The following TMCC1 variants were observed in gnomAD, a reference collection of about 807,000 sequenced individuals.
TMCC1 encodes transmembrane and coiled-coil domains protein 1.
In TMCC1, 15 loss-of-function variants were observed where a neutral mutation model predicts 52.4. The ratio of observed to expected loss-of-function variants is 0.29; its 90% confidence interval spans 0.19 to 0.44. The LOEUF is 0.44. TMCC1 is among the 20% of genes least tolerant of loss of function. The pLI is 1.00. For missense variants in TMCC1, 503 were observed against 806.0 expected, an observed-to-expected ratio of 0.62 and a Z score of 4.55; for synonymous variants, 279 against 301.9, an observed-to-expected ratio of 0.92 and a Z score of 0.79.
chr3:129,692,543 G>A (rs1447829018), intron 4 of TMCC1, among the ~76,000 whole-genome samples: 3 of 152,142 alleles, frequency 2.0e-5, no homozygotes, highest in African/African-American at 7.2e-5. Context: ...TTTTTGCCTT[G>A]TTAAGAAGGT....
intron 2 of TMCC1, chr3:129,847,994 C>T (rs2059743369): frequency 6.6e-6 from 1 of 152,064 alleles, no homozygotes; most frequent in African/African-American, 2.4e-5. Context: ...AATTGTTTCC[C>T]CCTTTTCTTA....
At chr3:129,663,246 C>T (rs781182748) in intron 5 of TMCC1, among the ~76,000 whole-genome samples, 19 of 152,134 alleles carry the variant, frequency 1.2e-4, no homozygotes, top group Non-Finnish European at 1.9e-4. Context: ...TCTCTGAGAA[C>T]CAATGGTGCT....
Position 129,827,794 on chromosome 3 carries a change from C to A in TMCC1, c.576+9G>T. 1 of 1,606,738 alleles carries A rather than the reference C, an allele frequency of 6.2e-7. No homozygotes were observed. Among genetic ancestry groups the A allele is most frequent in the African/African-American group, 1.3e-5 (1 of 74,920 alleles). ...AAGTTAACAGAAAAACAAAATCTTACAAACTTACCCGCTCCGCAGTTCCCT... is the reference window on the plus strand; with the variant it reads ...AAGTTAACAGAAAAACAAAATCTTAAAAACTTACCCGCTCCGCAGTTCCCT... On this transcript the variant is annotated intron_variant, in intron 4 of 6. Coordinates refer to ENST00000393238, the MANE Select transcript of TMCC1 (RefSeq NM_001017395.5).
intron 4 of TMCC1, among the ~76,000 whole-genome samples, chr3:129,785,390 G>C (rs1043161072): frequency 2.6e-5 from 4 of 152,036 alleles, no homozygotes; most frequent in African/African-American, 4.8e-5. Context: ...AAGTCCCAAA[G>C]GTTGGGTGTT....
At chr3:129,749,857 TTTGAATCTATGATTCAAA>T (rs531733532) in intron 4 of TMCC1, among the ~76,000 whole-genome samples, 2,580 of 152,258 alleles carry the variant, frequency 0.017, 37 homozygotes, top group Non-Finnish European at 0.025. Context: ...CTTTCCAATA[TTTGAATCTATGATTCAAA>T]TTGAATCTAT....
rs1333843587 is a variant in TMCC1 at position 129,828,550 on chromosome 3, CTTATA to C, written c.-130-47_-130-43del. The C allele has an allele frequency of 1.5e-5, 9 of 609,244 alleles. No individual in the cohort carries two copies. Among genetic ancestry groups the C allele is most frequent in the Non-Finnish European group, 2.5e-5 (9 of 364,118 alleles). The allele number at this position is 609,244 out of a possible 1,614,324, so 37.7% of individuals were successfully genotyped here. On this transcript the variant is annotated intron_variant, in intron 3 of 6. Coordinates refer to ENST00000393238, the MANE Select transcript of TMCC1 (RefSeq NM_001017395.5). The surrounding 1 kb of genome is among the most constrained non-coding windows in gnomAD (Gnocchi z 4.1). ...AAAAACAAAAAAACAAAAAAAAAAC[CTTATA>C]TTATAAATCCATGCAGAAACTCCAG...
chr3:129,791,469 C>T (rs931496785), intron 4 of TMCC1, among the ~76,000 whole-genome samples: 3 of 152,104 alleles, frequency 2.0e-5, no homozygotes, highest in African/African-American at 7.2e-5. Flanking sequence ...ACGTTTGACT[C>T]GGCTTCCTAT....
chr3:129,775,743 G>T (rs533602988), intron 4 of TMCC1, among the ~76,000 whole-genome samples: 1 of 151,962 alleles, frequency 6.6e-6, no homozygotes, highest in Non-Finnish European at 1.5e-5. Context: ...AAATATAGCC[G>T]AAATCTATCC....
At chr3:129,794,835 C>G (rs2056712709) in intron 4 of TMCC1, among the ~76,000 whole-genome samples, 1 of 152,188 alleles carries the variant, frequency 6.6e-6, no homozygotes, top group African/African-American at 2.4e-5. Context: ...CTTCAGCCGT[C>G]CCAGCAGCAG....
In TMCC1 at chr3:129,651,809, C is replaced by G. The variant is rs778539834; in HGVS notation, c.1648-14G>C. The G allele has an allele frequency of 2.4e-5, 39 of 1,607,854 alleles. No individual in the cohort carries two copies. The highest frequency in any genetic ancestry group is 3.2e-5 in the Non-Finnish European group (38 of 1,176,808). On this transcript the variant is annotated splice_polypyrimidine_tract_variant and intron_variant, in intron 6 of 6. Coordinates refer to ENST00000393238, the MANE Select transcript of TMCC1 (RefSeq NM_001017395.5). The surrounding 1 kb of genome is among the most constrained non-coding windows in gnomAD (Gnocchi z 5.1). ...CTCCAGGGCCTCCTGTGGGCCAGAACAGGGAAGAGTTAAGCCTTCTGCTCA... is the reference window on the plus strand; with the variant it reads ...CTCCAGGGCCTCCTGTGGGCCAGAAGAGGGAAGAGTTAAGCCTTCTGCTCA...
chr3:129,710,075 A>G (rs1244723372), intron 4 of TMCC1, among the ~76,000 whole-genome samples: 3 of 152,154 alleles, frequency 2.0e-5, no homozygotes, highest in Middle Eastern at 3.4e-3. Context: ...AGTCCCAGCT[A>G]CTCGGGAGGC....
At chr3:129,889,507 T>C (rs937222536) in intron 1 of TMCC1, among the ~76,000 whole-genome samples, 1 of 152,172 alleles carries the variant, frequency 6.6e-6, no homozygotes, top group Non-Finnish European at 1.5e-5. Flanking sequence ...GGTTTATTAA[T>C]ACAGACAAAT....
intron 4 of TMCC1, among the ~76,000 whole-genome samples, chr3:129,677,982 A>G (rs1176973936): frequency 1.3e-5 from 2 of 152,198 alleles, no homozygotes; most frequent in Admixed American, 6.5e-5. Flanking sequence ...GCTGGGGTGC[A>G]GTAGCATGAT....
intron 4 of TMCC1, among the ~76,000 whole-genome samples, chr3:129,715,093 C>CACA (rs550588324): frequency 6.6e-6 from 1 of 152,178 alleles, no homozygotes; most frequent in Non-Finnish European, 1.5e-5. Flanking sequence ...TTAACACATA[C>CACA]ACACCCACCC....
At chr3:129,876,413 A>G (rs1308790391) in intron 2 of TMCC1, among the ~76,000 whole-genome samples, 2 of 152,118 alleles carry the variant, frequency 1.3e-5, no homozygotes, top group Non-Finnish European at 2.9e-5. Flanking sequence ...AGTAGCTGAC[A>G]GCCAATTAGC....
At chr3:129,712,345 T>C (rs2048763986) in intron 4 of TMCC1, among the ~76,000 whole-genome samples, 1 of 152,214 alleles carries the variant, frequency 6.6e-6, no homozygotes. Context: ...AATTTATGAA[T>C]TATAATCAGA....
At chr3:129,659,414 T>C (rs1207087926) in intron 5 of TMCC1, among the ~76,000 whole-genome samples, 3 of 152,114 alleles carry the variant, frequency 2.0e-5, no homozygotes, top group Non-Finnish European at 2.9e-5. Flanking sequence ...TTTCAAACTA[T>C]AGATACTTTA....
chr3:129,750,259 T>G (rs531735332), intron 4 of TMCC1, among the ~76,000 whole-genome samples: 1 of 152,102 alleles, frequency 6.6e-6, no homozygotes, highest in Admixed American at 6.5e-5. Flanking sequence ...GGCGTGATCT[T>G]GGTTCACTGC....
intron 4 of TMCC1, among the ~76,000 whole-genome samples, chr3:129,761,081 T>G (rs1400594521): frequency 6.6e-6 from 1 of 151,424 alleles, no homozygotes; most frequent in Non-Finnish European, 1.5e-5. Flanking sequence ...ATCCCAGCAC[T>G]TTGGGAGGTC....
Sources: allele counts gnomAD v4.1 joint callset (sites outside exome capture counted in the v4.1 genomes callset), GRCh38; gene constraint gnomAD v4.1.1; non-coding constraint Gnocchi (gnomAD v3.1); transcripts MANE v1.5; gene names NCBI Gene and HGNC (gene_info 2026-07-23, HGNC 2026-07-21).